The following OPHN1 variants were observed in gnomAD, a reference collection of about 807,000 sequenced individuals.
OPHN1 encodes the protein oligophrenin 1.
Under a neutral mutation model 60.7 loss-of-function variants are expected in OPHN1, and 11 were observed. The observed-to-expected ratio is 0.18, with a 90% CI of 0.11 to 0.30. The LOEUF (loss-of-function observed/expected upper bound fraction) is 0.30. Among genes scored for constraint, OPHN1 ranks in the 10% least tolerant of loss-of-function variants. The probability of loss-of-function intolerance (pLI) is 1.00; values close to 1 mark genes in which losing one functional copy is unlikely to be tolerated. For missense variants in OPHN1, 449 were observed against 611.0 expected (o/e 0.73, Z 2.80); for synonymous variants, 226 against 222.6 (o/e 1.02, Z -0.14).
rs1313225701 is a variant in OPHN1, at chrX:68,096,906, G to A, written c.1650C>T (p.Asn550=). 8 of 1,211,067 alleles carry A rather than the reference G, an allele frequency of 6.6e-6. No homozygotes were observed. Among genetic ancestry groups the A allele is most frequent in the Admixed American group, 4.3e-5 (2 of 45,994 alleles). ...VAAMMNIKFQ[N]IVVEILIEHF... ...GCTCGATTAGTATTTCCACCACTAT[G>A]TTCTGGAATTTGATGTTCATCATGG... is the stretch of plus-strand genomic sequence containing the variant. Residue 550 remains asparagine, a synonymous_variant, in exon 19 of 25, where the codon AAC becomes AAT. Transcript: ENST00000355520.
intron 19 of OPHN1, among the ~76,000 whole-genome samples, chrX:68,096,334 C>A (rs953069803): frequency 3.6e-5 from 4 of 111,894 alleles, no homozygotes; most frequent in Non-Finnish European, 5.7e-5. Context: ...CGATCCATTT[C>A]ATCAAACTTA....
chrX:68,106,144 A>T (rs1343726944), intron 18 of OPHN1, among the ~76,000 whole-genome samples: 1 of 105,978 alleles, frequency 9.4e-6, no homozygotes, highest in Non-Finnish European at 1.9e-5. Context: ...AACCTGAACT[A>T]TATTAACAGT....
chrX:68,216,148 G>A (rs1254194678), intron 6 of OPHN1, among the ~76,000 whole-genome samples: 2 of 111,132 alleles, frequency 1.8e-5, no homozygotes, highest in South Asian at 3.8e-4. Context: ...CCATAACTAC[G>A]TTACTGGAAT....
At chrX:68,296,335 G>A (rs2078094871) in intron 3 of OPHN1, among the ~76,000 whole-genome samples, 1 of 111,769 alleles carries the variant, frequency 8.9e-6, no homozygotes, top group Non-Finnish European at 1.9e-5. Context: ...TGATCACTGA[G>A]TTAAAGAGTT....
intron 2 of OPHN1, among the ~76,000 whole-genome samples, chrX:68,376,724 C>A (rs991032122): frequency 1.8e-5 from 2 of 111,147 alleles, no homozygotes; most frequent in Non-Finnish European, 3.8e-5. Context: ...TTATAGAGTG[C>A]CTTGTACCAA....
chrX:68,235,237 C>T (rs2147524838), intron 5 of OPHN1, among the ~76,000 whole-genome samples: 1 of 112,250 alleles, frequency 8.9e-6, no homozygotes. Flanking sequence ...ATTAAGTTCT[C>T]TGCTACTCAG....
chrX:68,364,920 G>C (rs1291811889), intron 2 of OPHN1, among the ~76,000 whole-genome samples: 1 of 111,530 alleles, frequency 9.0e-6, no homozygotes, highest in Non-Finnish European at 1.9e-5. Context: ...TGTGATCCTT[G>C]ATGATTTACC....
intron 3 of OPHN1, among the ~76,000 whole-genome samples, chrX:68,293,422 A>G (rs2078079424): frequency 8.9e-6 from 1 of 112,231 alleles, no homozygotes; most frequent in Non-Finnish European, 1.9e-5. Context: ...TGGCTGATGG[A>G]ACTTTCCATC....
intron 2 of OPHN1, among the ~76,000 whole-genome samples, chrX:68,316,876 G>T (rs992494717): frequency 2.7e-5 from 3 of 111,749 alleles, no homozygotes; most frequent in Non-Finnish European, 5.6e-5. Flanking sequence ...GTAGAATGTG[G>T]ACACCTTTGA....
intron 19 of OPHN1, among the ~76,000 whole-genome samples, chrX:68,087,554 A>G (rs916915574): frequency 1.1e-4 from 12 of 112,049 alleles, no homozygotes; most frequent in African/African-American, 3.6e-4. Flanking sequence ...TAAGATGGTC[A>G]TTTCCAATTG....
chrX:68,267,336 C>A (rs933131787), intron 5 of OPHN1, among the ~76,000 whole-genome samples: 3 of 111,999 alleles, frequency 2.7e-5, no homozygotes, highest in Non-Finnish European at 3.8e-5. Context: ...ATCTCTCAGA[C>A]CACAGTGCAA....
chrX:68,187,657 TTG>T (rs2077469012), intron 15 of OPHN1, among the ~76,000 whole-genome samples: 2 of 111,365 alleles, frequency 1.8e-5, no homozygotes, highest in African/African-American at 6.5e-5. Context: ...AGGTGGAGTC[TTG>T]CTCTGTCGCC....
chrX:68,073,115 C>T (rs753037663), intron 20 of OPHN1, 37 bp downstream of exon 20: 1 of 1,185,791 alleles, frequency 8.4e-7, no homozygotes, highest in East Asian at 3.0e-5. Flanking sequence ...TGTGTCTAAT[C>T]ACCATTCAGA....
intron 15 of OPHN1, among the ~76,000 whole-genome samples, chrX:68,142,876 G>C (rs973243059): frequency 1.8e-5 from 2 of 111,881 alleles, no homozygotes; most frequent in Non-Finnish European, 3.8e-5. Context: ...ATGAGAGTTA[G>C]GTACTACTAC....
intron 2 of OPHN1, among the ~76,000 whole-genome samples, chrX:68,311,927 T>G (rs977179014): frequency 1.8e-5 from 2 of 111,148 alleles, no homozygotes; most frequent in Non-Finnish European, 3.8e-5. Context: ...TTTTTTGAAA[T>G]GCACATGAAA....
rs761607454 is a variant in OPHN1 at position 68,370,011 on chromosome X, A to AATATATATATATATATATATAT, written c.154+62834_154+62855dup. The stretch of plus-strand genomic sequence containing the variant: ...ACAGTGGGATGGCATAAATTGCTGA[A>AATATATATATATATATATATAT]ATATATATATATATATATATATATA... On this transcript the variant is annotated intron_variant, in intron 2 of 24. Coordinates refer to ENST00000355520, the MANE Select transcript of OPHN1 (RefSeq NM_002547.3). 1.5e-3 allele frequency among the ~76,000 whole-genome samples: 94 copies of AATATATATATATATATATATAT among 64,338 alleles called. 3 individuals are homozygous for AATATATATATATATATATATAT. Among genetic ancestry groups the AATATATATATATATATATATAT allele is most frequent in the African/African-American group, 4.1e-3 (53 of 12,828 alleles). 55.9% of individuals were successfully genotyped at this position (64,338 alleles called of 115,157 possible).
chrX:68,290,889 T>C (rs1433107926), intron 3 of OPHN1, among the ~76,000 whole-genome samples: 3 of 111,674 alleles, frequency 2.7e-5, no homozygotes, highest in African/African-American at 9.7e-5. Flanking sequence ...AATTAGATAG[T>C]GTACACAAAG....
chrX:68,206,621 G>T lies in OPHN1; in HGVS notation c.885C>A (p.Thr295=), dbSNP rs747066356. The part of the protein sequence containing the change: ...VKYYCQYEKE[T]KTLTMTPMEQ... The stretch of plus-strand genomic sequence containing the variant: ...CCATAGGCGTCATGGTCAGTGTTTT[G>T]GTCTCTTTCTCATACTGGCAATAGT... Residue 295 remains threonine (T), a synonymous_variant, in exon 10 of 25, where the codon ACC becomes ACA. Transcript: ENST00000355520. The T allele has an allele frequency of 1.7e-6, 2 of 1,210,653 alleles. No individual in the cohort carries two copies. The highest frequency in any genetic ancestry group is 2.2e-5 in the Admixed American group (1 of 46,023).
At chrX:68,222,082 G>GA (rs1248912915) in intron 6 of OPHN1, among the ~76,000 whole-genome samples, 1 of 107,300 alleles carries the variant, frequency 9.3e-6, no homozygotes, top group Non-Finnish European at 1.9e-5. Context: ...AAATTTACAA[G>GA]AAAAAAACAA....
Sources: gnomAD v4.1 joint callset for allele counts (sites outside exome capture counted in the v4.1 genomes callset) on GRCh38, gnomAD v4.1.1 for gene constraint, MANE v1.5 for transcripts, NCBI Gene and HGNC (gene_info 2026-07-23, HGNC 2026-07-21) for gene names.